The following CACNA2D1 variants were observed in gnomAD, a reference collection of about 807,000 sequenced individuals.
CACNA2D1 encodes calcium voltage-gated channel auxiliary subunit alpha2delta 1, also known as voltage-dependent calcium channel subunit alpha-2/delta-1.
CACNA2D1 carries 53 observed loss-of-function variants against 171.5 expected under a neutral mutation model. That is an observed-to-expected ratio of 0.31 (90% CI 0.25 to 0.39). The LOEUF is 0.39. CACNA2D1 is among the 10% of genes least tolerant of loss of function. The probability of loss-of-function intolerance (pLI) is 1.00; values close to 1 mark genes in which losing one functional copy is unlikely to be tolerated. For synonymous variants in CACNA2D1, 442 were observed against 443.1 expected (o/e 1.00, Z 0.03); for missense variants, 903 against 1,299.8 (o/e 0.69, Z 4.69).
chr7:82,259,213 A>T (rs1448149554), intron 3 of CACNA2D1, among the ~76,000 whole-genome samples: 1 of 114,706 alleles, frequency 8.7e-6, no homozygotes, highest in East Asian at 2.2e-4. Flanking sequence ...TAAAAGACAG[A>T]TGAGAGATAA....
chr7:82,073,619 AGATGGAGTTTCACTGTTGTTG>A (rs1808587814), intron 7 of CACNA2D1, among the ~76,000 whole-genome samples: 3 of 152,062 alleles, frequency 2.0e-5, no homozygotes, highest in Non-Finnish European at 2.9e-5. Context: ...AATTTTTTTG[AGATGGAGTTTCACTGTTGTTG>A]CCCAGGCGTG....
intron 21 of CACNA2D1, among the ~76,000 whole-genome samples, chr7:81,990,975 ATATATT>A (rs560336494): frequency 2.1e-4 from 32 of 152,146 alleles, no homozygotes; most frequent in Non-Finnish European, 3.5e-4. Flanking sequence ...TACAAAATAT[ATATATT>A]TATATCACAT....
chr7:82,181,214 G>T (rs984523021), intron 3 of CACNA2D1, among the ~76,000 whole-genome samples: 1 of 151,868 alleles, frequency 6.6e-6, no homozygotes, highest in African/African-American at 2.4e-5. Flanking sequence ...GGATGTCAAG[G>T]CAGTAACCAT....
intron 5 of CACNA2D1, among the ~76,000 whole-genome samples, chr7:82,132,673 C>T (rs1791134380): frequency 6.6e-6 from 1 of 152,132 alleles, no homozygotes; most frequent in Non-Finnish European, 1.5e-5. Flanking sequence ...ACCTTGAGGG[C>T]TGGAAAGACA....
At chr7:81,964,390 G>T in intron 32 of CACNA2D1, 31 bp from the exon 33 acceptor site, 1 of 1,597,214 alleles carries the variant, frequency 6.3e-7, no homozygotes, top group East Asian at 2.2e-5. Flanking sequence ...AAAGCAACGT[G>T]CACTTAAAAT....
intron 4 of CACNA2D1, among the ~76,000 whole-genome samples, chr7:82,141,299 T>G (rs552609080): frequency 6.6e-6 from 1 of 152,282 alleles, no homozygotes; most frequent in Admixed American, 6.5e-5. Context: ...AACTAAATTC[T>G]GTTCTGATGC....
chr7:82,330,425 C>T (rs529610909), intron 3 of CACNA2D1, among the ~76,000 whole-genome samples: 4 of 152,142 alleles, frequency 2.6e-5, no homozygotes, highest in African/African-American at 7.2e-5. Context: ...TTTTTAACTT[C>T]CTTTTTTCAA....
intron 6 of CACNA2D1, among the ~76,000 whole-genome samples, chr7:82,090,465 CATTT>C: frequency 6.6e-6 from 1 of 151,842 alleles, no homozygotes; most frequent in Non-Finnish European, 1.5e-5. Context: ...AAATGTTTAC[CATTT>C]CATGTAATTT....
At chr7:82,416,279 A>G (rs1828158904) in intron 1 of CACNA2D1, among the ~76,000 whole-genome samples, 1 of 152,094 alleles carries the variant, frequency 6.6e-6, no homozygotes, top group African/African-American at 2.4e-5. Context: ...AATCATTGTA[A>G]TAATTGTGGT....
intron 1 of CACNA2D1, among the ~76,000 whole-genome samples, chr7:82,388,926 G>A (rs1467019363): frequency 6.6e-6 from 1 of 151,670 alleles, no homozygotes; most frequent in Non-Finnish European, 1.5e-5. Flanking sequence ...GACCAGCCTA[G>A]CCAACATAGC....
intron 1 of CACNA2D1, among the ~76,000 whole-genome samples, chr7:82,363,622 A>G (rs1043455518): frequency 3.3e-5 from 5 of 152,202 alleles, no homozygotes; most frequent in African/African-American, 1.2e-4. Context: ...AAGTACATGC[A>G]TGCAAAGGGC....
intron 1 of CACNA2D1, among the ~76,000 whole-genome samples, chr7:82,411,227 C>T (rs537803188): frequency 6.6e-6 from 1 of 152,148 alleles, no homozygotes; most frequent in East Asian, 1.9e-4. Context: ...AGCAGCTCTG[C>T]GTGAGAGGGG....
chr7:82,214,563 C>T (rs1398220462), intron 3 of CACNA2D1, among the ~76,000 whole-genome samples: 1 of 151,926 alleles, frequency 6.6e-6, no homozygotes, highest in African/African-American at 2.4e-5. Flanking sequence ...ACACAATATC[C>T]AACTTGGAAG....
At chr7:82,061,068 A>C (rs1381994045) in intron 9 of CACNA2D1, among the ~76,000 whole-genome samples, 1 of 152,142 alleles carries the variant, frequency 6.6e-6, no homozygotes, top group African/African-American at 2.4e-5. Context: ...ACCTATGTGC[A>C]GGGCTGGCTC....
At chr7:82,313,305 A>T (rs1369155450) in intron 3 of CACNA2D1, among the ~76,000 whole-genome samples, 4 of 151,970 alleles carry the variant, frequency 2.6e-5, no homozygotes, top group African/African-American at 9.7e-5. Flanking sequence ...TATTTCTTTG[A>T]CCTATTTTGA....
intron 5 of CACNA2D1, among the ~76,000 whole-genome samples, chr7:82,132,944 A>G (rs974803093): frequency 6.6e-6 from 1 of 152,214 alleles, no homozygotes; most frequent in Non-Finnish European, 1.5e-5. Flanking sequence ...ATTCTCAGAA[A>G]AATTCACATG....
chr7:81,977,400 C>T (rs1318718010), intron 24 of CACNA2D1, among the ~76,000 whole-genome samples: 1 of 151,996 alleles, frequency 6.6e-6, no homozygotes, highest in Admixed American at 6.6e-5. Flanking sequence ...AACATATAAA[C>T]CACTGGAACA....
At chr7:82,222,815 T>C (rs1194845524) in intron 3 of CACNA2D1, among the ~76,000 whole-genome samples, 2 of 152,248 alleles carry the variant, frequency 1.3e-5, no homozygotes, top group African/African-American at 2.4e-5. Flanking sequence ...TAATTGTTTC[T>C]TGAATGAATG....
At chr7:82,104,706 A>C (rs1226028024) in intron 6 of CACNA2D1, among the ~76,000 whole-genome samples, 1 of 152,066 alleles carries the variant, frequency 6.6e-6, no homozygotes, top group African/African-American at 2.4e-5. Flanking sequence ...AACCCACAAC[A>C]TCCTTTAAAA....
Sources: allele counts gnomAD v4.1 joint callset (sites outside exome capture counted in the v4.1 genomes callset), GRCh38; gene constraint gnomAD v4.1.1; transcripts MANE v1.5; gene names NCBI Gene and HGNC (gene_info 2026-07-23, HGNC 2026-07-21).